The following MBP variants were observed in gnomAD, a reference collection of about 807,000 sequenced individuals.
MBP encodes Golli-MBP.
Under a neutral mutation model 35.8 loss-of-function variants are expected in MBP, and 16 were observed. The ratio of observed to expected loss-of-function variants is 0.45; its 90% CI spans 0.30 to 0.68. The LOEUF (loss-of-function observed/expected upper bound fraction) is 0.68. Among genes scored for constraint, MBP ranks in the 30% least tolerant of loss-of-function variants. The pLI, the probability that MBP is intolerant of heterozygous loss-of-function variation, is 0.08. For synonymous variants in MBP, 143 were observed against 159.6 expected (o/e 0.90, Z 0.78); for missense variants, 380 against 404.7 (o/e 0.94, Z 0.52).
intron 1 of MBP, 87 bp from the exon 2 acceptor site, chr18:77,105,373 G>A: frequency 1.2e-6 from 1 of 823,396 alleles, no homozygotes; most frequent in Non-Finnish European, 2.1e-6. Flanking sequence ...ACAATCCTGT[G>A]ATATATGTAA....
rs1478837864 is a variant in MBP, at chr18:77,057,964, C to A, written c.139+8334G>T. On this transcript the variant is annotated intron_variant, in intron 3 of 8. Transcript: ENST00000355994. Reference sequence around the variant, plus strand: ...GCCTCAGCCTCCCGAGTAGCTGGGACTACAGGCGCCCGCCACTACGCCCGG... The same window carrying A: ...GCCTCAGCCTCCCGAGTAGCTGGGAATACAGGCGCCCGCCACTACGCCCGG... 1.5e-4 allele frequency among the ~76,000 whole-genome samples: 9 copies of A among 60,952 alleles called. 4 individuals carry two copies. Among genetic ancestry groups the A allele is most frequent in the Non-Finnish European group, 2.6e-4 (9 of 35,192 alleles). 40.0% of individuals were successfully genotyped at this position (60,952 alleles called of 152,430 possible).
chr18:77,066,220 C>T (rs1477045498), intron 3 of MBP, 78 bp downstream of exon 3: 2 of 1,080,232 alleles, frequency 1.9e-6, no homozygotes, highest in East Asian at 2.4e-5. Context: ...ATAAAAAAAT[C>T]AAAGGCTTCC....
At chr18:77,070,295 C>A (rs1216920651) in intron 2 of MBP, among the ~76,000 whole-genome samples, 1 of 152,188 alleles carries the variant, frequency 6.6e-6, no homozygotes, top group East Asian at 1.9e-4. Flanking sequence ...TGTCGACACG[C>A]ATTTCAAGCA....
At chr18:76,997,415 G>A (rs944315922) in intron 4 of MBP, among the ~76,000 whole-genome samples, 2 of 152,206 alleles carry the variant, frequency 1.3e-5, no homozygotes, top group Non-Finnish European at 2.9e-5. Flanking sequence ...GAAATGATGG[G>A]ACTGAAACAG....
At chr18:77,000,407 T>C (rs1205745953) in intron 4 of MBP, among the ~76,000 whole-genome samples, 1 of 152,338 alleles carries the variant, frequency 6.6e-6, no homozygotes, top group South Asian at 2.1e-4. Flanking sequence ...TTCCTATCAG[T>C]AGAGCTTTTC....
intron 3 of MBP, among the ~76,000 whole-genome samples, chr18:77,065,094 T>C (rs547755724): frequency 1.4e-4 from 22 of 152,332 alleles, no homozygotes; most frequent in African/African-American, 5.3e-4. Flanking sequence ...CAGTCACTCA[T>C]AGGGGAAGCA....
chr18:77,055,100 G>T (rs141419124), intron 3 of MBP, among the ~76,000 whole-genome samples: 2 of 152,238 alleles, frequency 1.3e-5, no homozygotes, highest in Non-Finnish European at 2.9e-5. Flanking sequence ...CACGCACATC[G>T]TGGATGGAGA....
chr18:76,989,898 G>A lies in MBP; in HGVS notation c.681+58C>T. On this transcript the variant is annotated intron_variant, in intron 5 of 8. Coordinates refer to ENST00000355994, the MANE Select transcript of MBP (RefSeq NM_001025101.2). This position sits in a 1 kb window ranked among gnomAD's most constrained non-coding sequence, Gnocchi z 4.0. Reference sequence around the variant, plus strand: ...AACGTCCTGTGTGGATGACAGCAGTGGCCAGCACCCCTCCTCCCCCTCACA... The same window carrying A: ...AACGTCCTGTGTGGATGACAGCAGTAGCCAGCACCCCTCCTCCCCCTCACA... 1 of 1,436,402 alleles carries A rather than the reference G, an allele frequency of 7.0e-7. No individual in the cohort carries two copies. The highest frequency in any genetic ancestry group is 9.8e-7 in the Non-Finnish European group (1 of 1,020,514). 89.0% of individuals were successfully genotyped at this position (1,436,402 alleles called of 1,614,324 possible).
intron 4 of MBP, among the ~76,000 whole-genome samples, chr18:76,991,569 G>A (rs1292098733): frequency 6.6e-6 from 1 of 152,188 alleles, no homozygotes; most frequent in Non-Finnish European, 1.5e-5. Context: ...GAAAAGCAAA[G>A]GAAAGGGACT....
At chr18:77,029,072 G>C (rs1198312290) in intron 3 of MBP, among the ~76,000 whole-genome samples, 2 of 102,392 alleles carry the variant, frequency 2.0e-5, no homozygotes, top group Non-Finnish European at 5.0e-5. Context: ...CTGGGAGGTG[G>C]AGGTTGTAGC....
chr18:76,989,831 C>A lies in MBP; in HGVS notation c.681+125G>T. ...TGCGAGGGGGGAGTTCCCCGGCCGG[C>A]CTCACCCTGATGATGACCCCGGTGC... On this transcript the variant is annotated intron_variant, in intron 5 of 8. Transcript: ENST00000355994. The surrounding 1 kb of genome is among the most constrained non-coding windows in gnomAD (Gnocchi z 4.0). 1.3e-6 allele frequency: 1 copy of A among 774,782 alleles called. No individual in the cohort carries two copies. Among genetic ancestry groups the A allele is most frequent in the South Asian group, 1.6e-5 (1 of 61,024 alleles). 48.0% of individuals were successfully genotyped at this position (774,782 alleles called of 1,614,324 possible). A position where few individuals can be genotyped will look rare whatever the true frequency, so the allele number is the denominator to read the frequency against.
intron 1 of MBP, among the ~76,000 whole-genome samples, chr18:77,129,443 A>G (rs1051754637): frequency 2.6e-5 from 4 of 152,218 alleles, no homozygotes; most frequent in Admixed American, 2.6e-4. Context: ...ACGTCCCACA[A>G]ACCTGGCCAG....
chr18:76,985,109 G>A lies in MBP; in HGVS notation c.751-215C>T, dbSNP rs1056241951. 110 of 1,529,082 alleles carry A rather than the reference G, an allele frequency of 7.2e-5. No individual in the cohort carries two copies. The African/African-American group carries it at 1.3e-3, about 19-fold the overall frequency. The allele number at this position is 1,529,082 out of a possible 1,614,324, so 94.7% of individuals were successfully genotyped here. ...ACCAGGGTGTTGGCCGCAGAGAGAG[G>A]AGGGCTCTGGTTTGGGCGGAGGCTC... On this transcript the variant is annotated intron_variant, in intron 7 of 8. Transcript: ENST00000355994.
chr18:77,099,247 T>C (rs1251140859), intron 2 of MBP, among the ~76,000 whole-genome samples: 3 of 152,194 alleles, frequency 2.0e-5, no homozygotes, highest in Non-Finnish European at 2.9e-5. Context: ...TGCCTGGCTA[T>C]AGATGGCAGG....
rs1256676373 is a variant in MBP at position 77,044,607 on chromosome 18, G to A, written c.139+21691C>T. Among the ~76,000 whole-genome samples the A allele has an allele frequency of 6.6e-6, 1 of 152,074 alleles. No homozygotes were observed. Among genetic ancestry groups the A allele is most frequent in the Non-Finnish European group, 1.5e-5 (1 of 68,016 alleles). On this transcript the variant is annotated intron_variant, in intron 3 of 8. Transcript: ENST00000355994. The surrounding 1 kb of genome is among the most constrained non-coding windows in gnomAD (Gnocchi z 4.4). ...CTCCCTCCTCGCACCTGGGACGCAG[G>A]TGCCCTCCGGTCACACCCTTCCATC... is the stretch of plus-strand genomic sequence containing the variant.
At chr18:77,116,156 G>A (rs572807408) in intron 1 of MBP, among the ~76,000 whole-genome samples, 72 of 151,278 alleles carry the variant, frequency 4.8e-4, no homozygotes, top group African/African-American at 1.7e-3. Context: ...TCACATGAGT[G>A]TGCAGCACTT....
rs504433 is a variant in MBP, at chr18:77,066,057, C to T, written c.139+241G>A. The T allele has an allele frequency of 1.6e-3, 752 of 471,112 alleles. 6 individuals carry two copies. Among genetic ancestry groups the T allele is most frequent in the African/African-American group, 0.013 (678 of 50,364 alleles). 29.2% of individuals were successfully genotyped at this position (471,112 alleles called of 1,614,324 possible). ...ATTTTATTTTTTGTAGAGACGAGGT[C>T]TCATTGTGTTGCCCGGGCTGGTCTT... On this transcript the variant is annotated intron_variant, in intron 3 of 8. Transcript: ENST00000355994.
intron 2 of MBP, among the ~76,000 whole-genome samples, chr18:77,069,329 C>T (rs1232151857): frequency 2.6e-5 from 4 of 152,186 alleles, no homozygotes; most frequent in Non-Finnish European, 5.9e-5. Context: ...TCCCGATAGT[C>T]TTTCCTCAGC....
At chr18:77,000,507 G>T (rs1213111852) in intron 4 of MBP, among the ~76,000 whole-genome samples, 4 of 152,190 alleles carry the variant, frequency 2.6e-5, no homozygotes, top group African/African-American at 7.2e-5. Context: ...TTAAAATCAC[G>T]GGAGGAAGAC....
Sources: gnomAD v4.1 joint callset for allele counts (sites outside exome capture counted in the v4.1 genomes callset) on GRCh38, gnomAD v4.1.1 for gene constraint, Gnocchi (gnomAD v3.1) non-coding constraint, MANE v1.5 for transcripts, NCBI Gene and HGNC (gene_info 2026-07-23, HGNC 2026-07-21) for gene names.